Variants in MAPK10 observed in about 807,000 individuals in gnomAD.
MAPK10 encodes the protein JNK3 alpha protein kinase.
MAPK10 carries 25 observed loss-of-function variants against 59.3 expected under a neutral mutation model. The observed-to-expected ratio is 0.42, with a 90% CI of 0.31 to 0.59. The LOEUF (loss-of-function observed/expected upper bound fraction) is 0.59. MAPK10 is among the 20% of genes least tolerant of loss of function. The pLI is 0.15. For synonymous variants in MAPK10, 190 were observed against 200.5 expected (o/e 0.95, Z 0.44); for missense variants, 351 against 568.9 (o/e 0.62, Z 3.90).
At position 86,012,667 on chromosome 4, in the gene MAPK10, G is replaced by T. The variant is rs972272954; in HGVS notation, c.*4561C>A. ...ACAAAATAGAAAGGAAAGGGTGTGA[G>T]AAAGAACACAGAAATGACTTGAACG... On this transcript the variant is annotated 3_prime_UTR_variant, in exon 14 of 14. Transcript: ENST00000641462. 1 of 152,192 alleles carries T rather than the reference G, an allele frequency of 6.6e-6. No individual in the cohort carries two copies. The highest frequency in any genetic ancestry group is 1.5e-5 in the Non-Finnish European group (1 of 68,028). 9.4% of individuals were successfully genotyped at this position (152,192 alleles called of 1,614,324 possible). A position where few individuals can be genotyped will look rare whatever the true frequency, so the allele number is the denominator to read the frequency against.
At chr4:86,442,438 C>T (rs1430072196) in intron 1 of MAPK10, among the ~76,000 whole-genome samples, 1 of 152,212 alleles carries the variant, frequency 6.6e-6, no homozygotes, top group African/African-American at 2.4e-5. Context: ...TAAGGTCACA[C>T]ATACTCACCA....
intron 3 of MAPK10, among the ~76,000 whole-genome samples, chr4:86,172,065 C>T: frequency 7.3e-6 from 1 of 137,640 alleles, no homozygotes; most frequent in Admixed American, 6.9e-5. Flanking sequence ...ATTAAAAAGT[C>T]AGGAAACAAC....
chr4:86,237,799 G>A (rs2092385446), intron 2 of MAPK10, among the ~76,000 whole-genome samples: 3 of 152,088 alleles, frequency 2.0e-5, no homozygotes, highest in Non-Finnish European at 4.4e-5. Flanking sequence ...GTGGTTGCCT[G>A]TTCACTCTGA....
intron 1 of MAPK10, among the ~76,000 whole-genome samples, chr4:86,591,626 A>G (rs72665769): frequency 0.3 from 44,883 of 152,036 alleles, 7,062 homozygotes; most frequent in Admixed American, 0.35. Flanking sequence ...TGTCCACTTC[A>G]GCCTCCCAGA....
At chr4:86,514,331 C>G (rs1756498876) in intron 1 of MAPK10, among the ~76,000 whole-genome samples, 1 of 152,138 alleles carries the variant, frequency 6.6e-6, no homozygotes, top group African/African-American at 2.4e-5. Context: ...TTGGCACCAC[C>G]CTTTGTATTG....
intron 3 of MAPK10, among the ~76,000 whole-genome samples, chr4:86,187,181 T>C (rs1270742478): frequency 6.6e-6 from 1 of 152,162 alleles, no homozygotes; most frequent in African/African-American, 2.4e-5. Flanking sequence ...AAACCACAGA[T>C]AGCACTGAAC....
chr4:86,208,652 C>T (rs995450991), intron 2 of MAPK10, among the ~76,000 whole-genome samples: 4 of 151,818 alleles, frequency 2.6e-5, no homozygotes, highest in Non-Finnish European at 5.9e-5. Flanking sequence ...GGGCAAAAAC[C>T]GGAAGCACTC....
intron 1 of MAPK10, among the ~76,000 whole-genome samples, chr4:86,478,731 T>C (rs953889067): frequency 1.3e-5 from 2 of 152,086 alleles, no homozygotes; most frequent in African/African-American, 2.4e-5. Flanking sequence ...CATTTCCCCA[T>C]ACTTCCTTCT....
chr4:86,053,739 CT>C (rs1394153083), intron 11 of MAPK10, among the ~76,000 whole-genome samples: 1 of 152,048 alleles, frequency 6.6e-6, no homozygotes, highest in Non-Finnish European at 1.5e-5. Context: ...TGGATAATCT[CT>C]TTTTTTCCAG....
chr4:86,288,395 T>C (rs959941640), intron 2 of MAPK10, among the ~76,000 whole-genome samples: 8 of 140,514 alleles, frequency 5.7e-5, no homozygotes, highest in African/African-American at 1.6e-4. Context: ...GATGCTCTAA[T>C]GTTATCTTAA....
intron 2 of MAPK10, among the ~76,000 whole-genome samples, chr4:86,214,779 A>T (rs1441502513): frequency 1.3e-5 from 2 of 152,138 alleles, no homozygotes; most frequent in East Asian, 1.9e-4. Context: ...GGCATAAAAA[A>T]TAGAAAGACA....
chr4:86,080,870 G>A (rs1000649659), intron 9 of MAPK10: 6 of 151,856 alleles, frequency 4.0e-5, no homozygotes, highest in Non-Finnish European at 8.8e-5. Context: ...CTTTAAATAC[G>A]ACTCCAAAAT....
intron 4 of MAPK10, 104 bp downstream of exon 4, chr4:86,159,194 A>G (rs1402515062): frequency 1.1e-6 from 1 of 897,976 alleles, no homozygotes; most frequent in Non-Finnish European, 1.6e-6. Context: ...TTCCCTCCCA[A>G]ATTATGCTAT....
chr4:86,241,061 T>A (rs149117950), intron 2 of MAPK10, among the ~76,000 whole-genome samples: 87 of 152,318 alleles, frequency 5.7e-4, no homozygotes, highest in African/African-American at 1.9e-3. Flanking sequence ...CATTTTCTTG[T>A]CTGGAAAGGA....
chr4:86,161,376 T>G (rs1480493941), intron 3 of MAPK10, among the ~76,000 whole-genome samples: 1 of 152,074 alleles, frequency 6.6e-6, no homozygotes, highest in Non-Finnish European at 1.5e-5. Flanking sequence ...GTGTGGACAG[T>G]GGCAGAAAAA....
chr4:86,271,801 T>G (rs1162166223), intron 2 of MAPK10, among the ~76,000 whole-genome samples: 1 of 152,010 alleles, frequency 6.6e-6, no homozygotes, highest in Non-Finnish European at 1.5e-5. Flanking sequence ...TCATGAGAAC[T>G]CACTCACTAT....
At chr4:86,128,695 G>A (rs2060487472) in intron 4 of MAPK10, among the ~76,000 whole-genome samples, 1 of 151,914 alleles carries the variant, frequency 6.6e-6, no homozygotes, top group South Asian at 2.1e-4. Context: ...TACTATGTTT[G>A]CTATTTTTCC....
At chr4:86,241,311 G>T (rs973780602) in intron 2 of MAPK10, among the ~76,000 whole-genome samples, 7 of 152,074 alleles carry the variant, frequency 4.6e-5, no homozygotes, top group Non-Finnish European at 8.8e-5. Flanking sequence ...ATGATTATGT[G>T]TCTTGGGGTT....
At chr4:86,454,357 T>C (rs1364626128), upstream of MAPK10, among the ~76,000 whole-genome samples, 1 of 151,830 alleles carries the variant, frequency 6.6e-6, no homozygotes, top group African/African-American at 2.4e-5. Flanking sequence ...TGTAAGGAAA[T>C]CAAAAATATG....
Sources: gnomAD v4.1 joint callset for allele counts (sites outside exome capture counted in the v4.1 genomes callset) on GRCh38, gnomAD v4.1.1 for gene constraint, MANE v1.5 for transcripts, NCBI Gene and HGNC (gene_info 2026-07-23, HGNC 2026-07-21) for gene names.